Variants in PLCE1 observed in about 807,000 individuals in gnomAD.
PLCE1 encodes the protein 1-phosphatidylinositol 4,5-bisphosphate phosphodiesterase epsilon-1.
PLCE1 carries 119 observed loss-of-function variants against 242.8 expected under a neutral mutation model. The observed-to-expected ratio is 0.49, with a 90% CI of 0.42 to 0.57. The LOEUF (loss-of-function observed/expected upper bound fraction) is 0.57. Among genes scored for constraint, PLCE1 ranks in the 20% least tolerant of loss-of-function variants. PLCE1 has a pLI of 0.00. For synonymous variants in PLCE1, 945 were observed against 1,017.4 expected, an observed-to-expected ratio of 0.93 and a Z score of 1.35; for missense variants, 2,441 against 2,788.8, an observed-to-expected ratio of 0.88 and a Z score of 2.81.
At chr10:94,026,157 A>T (rs2061450269) in intron 1 of PLCE1, among the ~76,000 whole-genome samples, 1 of 152,100 alleles carries the variant, frequency 6.6e-6, no homozygotes, top group Non-Finnish European at 1.5e-5. Context: ...CCCTCTCCTG[A>T]AGCTGAAAAC....
chr10:94,058,827 C>T, intron 2 of PLCE1, among the ~76,000 whole-genome samples: 1 of 152,218 alleles, frequency 6.6e-6, no homozygotes, highest in South Asian at 2.1e-4. Flanking sequence ...GAAAAAAGTT[C>T]TCATAAACAC....
chr10:94,038,027 A>C (rs900628770), intron 2 of PLCE1, among the ~76,000 whole-genome samples: 1 of 152,148 alleles, frequency 6.6e-6, no homozygotes, highest in Admixed American at 6.5e-5. Flanking sequence ...TGGCCTGAAA[A>C]GAATTAGATC....
At chr10:94,256,903 C>A (rs1294851885) in intron 11 of PLCE1, among the ~76,000 whole-genome samples, 1 of 152,168 alleles carries the variant, frequency 6.6e-6, no homozygotes, top group South Asian at 2.1e-4. Context: ...GAAGAGTGGA[C>A]AAACAGAGTT....
chr10:94,100,300 G>T (rs1288729293), intron 2 of PLCE1: 2 of 152,102 alleles, frequency 1.3e-5, no homozygotes, highest in Non-Finnish European at 2.9e-5. Context: ...TATTGGGGTT[G>T]CAGTCTTCAC....
chr10:94,223,970 C>G (rs2049851398), intron 4 of PLCE1, among the ~76,000 whole-genome samples: 1 of 152,106 alleles, frequency 6.6e-6, no homozygotes, highest in Non-Finnish European at 1.5e-5. Flanking sequence ...ATCTTCATTT[C>G]CTTTTTGTGT....
chr10:94,245,659 G>T (rs928996292), intron 7 of PLCE1, among the ~76,000 whole-genome samples: 67 of 152,248 alleles, frequency 4.4e-4, no homozygotes, highest in African/African-American at 1.5e-3. Flanking sequence ...ACTGATTTTT[G>T]TATTTTTAGT....
intron 2 of PLCE1, among the ~76,000 whole-genome samples, chr10:94,131,866 A>G (rs1004571592): frequency 1.3e-5 from 2 of 152,248 alleles, no homozygotes; most frequent in Non-Finnish European, 2.9e-5. Flanking sequence ...ATCTCTCTGC[A>G]GAAGAGCTTT....
At chr10:94,190,892 G>A (rs1043463215) in intron 4 of PLCE1, among the ~76,000 whole-genome samples, 1 of 152,188 alleles carries the variant, frequency 6.6e-6, no homozygotes, top group Non-Finnish European at 1.5e-5. Flanking sequence ...TTATAGAAGG[G>A]ATGAGCGAGC....
chr10:94,137,197 A>T (rs1019451592), intron 3 of PLCE1, among the ~76,000 whole-genome samples: 1 of 152,132 alleles, frequency 6.6e-6, no homozygotes, highest in African/African-American at 2.4e-5. Context: ...CATCTCAAAA[A>T]AAAAGATCCT....
rs2050683027 is a variant in PLCE1, at chr10:94,246,427, T to A, written c.2902T>A (p.Ser968Thr). Residue 968 changes from serine (S) to threonine (T), a missense_variant, in exon 8 of 33, where the codon TCA becomes ACA. By Grantham distance (58) the Ser-to-Thr change is moderately conservative. Coordinates refer to ENST00000371380, the MANE Select transcript of PLCE1 (RefSeq NM_016341.4). ...GAACAAACTGGGTAGCATGTTCCTG[T>A]CAGAGACTGGTGTGACATTGCTCTA... Reference protein sequence around the residue: ...VQNKLGSMFLSETGVTLLYGL... With the variant: ...VQNKLGSMFLTETGVTLLYGL... The A allele has an allele frequency of 4.3e-6, 7 of 1,614,182 alleles. No homozygotes were observed. In the East Asian group the frequency reaches 1.6e-4, roughly 36 times the overall value.
At chr10:94,103,627 T>C (rs1040213140) in intron 2 of PLCE1, among the ~76,000 whole-genome samples, 6 of 152,184 alleles carry the variant, frequency 3.9e-5, no homozygotes, top group Non-Finnish European at 7.3e-5. Context: ...TCTGCACATG[T>C]ACCCCAGAAC....
intron 2 of PLCE1, chr10:94,108,301 A>G (rs1297406521): frequency 6.6e-6 from 1 of 152,314 alleles, no homozygotes; most frequent in Non-Finnish European, 1.5e-5. Flanking sequence ...CAGGGAGGCC[A>G]GGAGCCTCAG....
chr10:94,102,625 C>T (rs115628377), intron 2 of PLCE1, among the ~76,000 whole-genome samples: 4,841 of 152,182 alleles, frequency 0.032, 252 homozygotes, highest in African/African-American at 0.11. Flanking sequence ...GTGACCTGAC[C>T]AAGGTCACAC....
chr10:94,254,114 T>G, intron 9 of PLCE1, 76 bp from the exon 10 acceptor site: 1 of 1,087,452 alleles, frequency 9.2e-7, no homozygotes, highest in Non-Finnish European at 1.4e-6. Context: ...GGTCAGAAAA[T>G]AGAGACCTAC....
At chr10:94,009,309 C>T (rs948778121) in intron 1 of PLCE1, among the ~76,000 whole-genome samples, 1 of 152,082 alleles carries the variant, frequency 6.6e-6, no homozygotes, top group African/African-American at 2.4e-5. Flanking sequence ...TGAGAACTCA[C>T]TCATCACCAA....
At chr10:94,311,493 T>C (rs1021235191) in intron 27 of PLCE1, among the ~76,000 whole-genome samples, 1 of 152,226 alleles carries the variant, frequency 6.6e-6, no homozygotes, top group Admixed American at 6.5e-5. Flanking sequence ...TGGGCAGCCA[T>C]ATATGGATAT....
chr10:94,188,658 C>G (rs890153419), intron 4 of PLCE1, among the ~76,000 whole-genome samples: 1 of 152,144 alleles, frequency 6.6e-6, no homozygotes, highest in Admixed American at 6.5e-5. Flanking sequence ...CAGGCTGGAG[C>G]GCAATGGCAC....
chr10:94,302,987 A>G (rs952007372), intron 24 of PLCE1, among the ~76,000 whole-genome samples: 2 of 152,154 alleles, frequency 1.3e-5, no homozygotes, highest in African/African-American at 2.4e-5. Flanking sequence ...TTTTCTCCCA[A>G]TGCAGGTGAG....
intron 1 of PLCE1, among the ~76,000 whole-genome samples, chr10:94,030,413 CA>C (rs2061533637): frequency 6.6e-6 from 1 of 150,582 alleles, no homozygotes; most frequent in Admixed American, 6.6e-5. Flanking sequence ...GCTCGTTGTT[CA>C]ATATCTGAAA....
Sources: gnomAD v4.1 joint callset for allele counts (sites outside exome capture counted in the v4.1 genomes callset) on GRCh38, gnomAD v4.1.1 for gene constraint, MANE v1.5 for transcripts, NCBI Gene and HGNC (gene_info 2026-07-23, HGNC 2026-07-21) for gene names.